Variants in SYT6 observed in about 807,000 individuals in gnomAD.
SYT6 encodes the protein synaptotagmin-6.
SYT6 carries 24 observed loss-of-function variants against 38.4 expected under a neutral mutation model. That is an observed-to-expected ratio of 0.62 (90% CI 0.45 to 0.88). SYT6 has a LOEUF of 0.88. SYT6 is among the 40% of genes least tolerant of loss of function. The probability of loss-of-function intolerance (pLI) is 0.00; values close to 1 mark genes in which losing one functional copy is unlikely to be tolerated. For synonymous variants in SYT6, 265 were observed against 241.9 expected (o/e 1.10, Z -0.89); for missense variants, 611 against 621.0 (o/e 0.98, Z 0.17).
chr1:114,124,618 C>A (rs17032392), intron 3 of SYT6, among the ~76,000 whole-genome samples: 1,914 of 152,236 alleles, frequency 0.013, 42 homozygotes, highest in African/African-American at 0.044. Flanking sequence ...TGGAGCTAGA[C>A]CCGTGTTCCA....
chr1:114,105,795 G>C (rs1213043743), intron 3 of SYT6, among the ~76,000 whole-genome samples: 2 of 152,192 alleles, frequency 1.3e-5, no homozygotes, highest in African/African-American at 2.4e-5. Context: ...CCGCTTTTGA[G>C]CAATGCCCTT....
intron 3 of SYT6, among the ~76,000 whole-genome samples, chr1:114,106,694 A>T (rs1289571210): frequency 6.6e-6 from 1 of 151,432 alleles, no homozygotes; most frequent in East Asian, 2.0e-4. Context: ...ATACTCCTAT[A>T]CCTACATCAT....
chr1:114,147,699 T>C (rs533289482), intron 1 of SYT6, among the ~76,000 whole-genome samples: 4 of 152,352 alleles, frequency 2.6e-5, no homozygotes, highest in African/African-American at 9.6e-5. Context: ...TGCTTTCTAA[T>C]TGCGTGACCT....
chr1:114,149,217 T>TTGTGTGTGTGTGTGTGTGTGTG (rs879834403), intron 1 of SYT6, among the ~76,000 whole-genome samples: 20 of 38,016 alleles, frequency 5.3e-4, no homozygotes, highest in African/African-American at 2.4e-3. Flanking sequence ...GAGAGAGAGA[T>TTGTGTGTGTGTGTGTGTGTGTG]TGTGTGTGTG....
intron 1 of SYT6, 55 bp downstream of exon 1, chr1:114,153,555 G>C: frequency 1.7e-6 from 1 of 572,018 alleles, no homozygotes; most frequent in South Asian, 2.2e-5. Context: ...CTTTGGGGAA[G>C]GGAGATCGCA....
At chr1:114,094,812 G>A (rs1274943722) in intron 6 of SYT6, among the ~76,000 whole-genome samples, 1 of 152,206 alleles carries the variant, frequency 6.6e-6, no homozygotes, top group East Asian at 1.9e-4. Context: ...CAAGTTTCAG[G>A]AGCAAAGTTC....
At chr1:114,117,202 G>A in intron 3 of SYT6, among the ~76,000 whole-genome samples, 1 of 152,210 alleles carries the variant, frequency 6.6e-6, no homozygotes, top group East Asian at 1.9e-4. Context: ...GGGCAGTATT[G>A]TCATGCTTGA....
At chr1:114,113,868 A>G (rs1324250732) in intron 3 of SYT6, among the ~76,000 whole-genome samples, 1 of 152,160 alleles carries the variant, frequency 6.6e-6, no homozygotes, top group Non-Finnish European at 1.5e-5. Context: ...CTCCAATGGC[A>G]TCCCCTTTCA....
chr1:114,129,555 TTTTCTTTCTTTTCTTTCTTTC>T (rs1449899552), intron 3 of SYT6, among the ~76,000 whole-genome samples: 3 of 142,040 alleles, frequency 2.1e-5, no homozygotes, highest in South Asian at 2.3e-4. Context: ...TTCTGTCTTT[TTTTCTTTCTTTTCTTTCTTTC>T]TTTCTTTCTT....
chr1:114,106,655 A>G (rs1676331471), intron 3 of SYT6, among the ~76,000 whole-genome samples: 1 of 151,830 alleles, frequency 6.6e-6, no homozygotes, highest in South Asian at 2.1e-4. Flanking sequence ...CTTCTTGTCA[A>G]AATGCCTCCC....
Position 114,139,664 on chromosome 1 carries a change from G to C in SYT6, c.463C>G (p.Arg155Gly). Residue 155 changes from arginine to glycine, a missense_variant, in exon 2 of 8, where the codon CGT becomes GGT. Physicochemically the swap from Arg to Gly is moderately radical, Grantham distance 125. Coordinates refer to ENST00000610222, the MANE Select transcript of SYT6 (RefSeq NM_001253772.2). ...GTTTGCCGCTGCAGCCGGGTGTGACGCATGATGTGCTCCTTGACCGACATC... is the reference window on the plus strand; with the variant it reads ...GTTTGCCGCTGCAGCCGGGTGTGACCCATGATGTGCTCCTTGACCGACATC... ...VQMSVKEHIM[R>G]HTRLQRQTTE... 1 of 1,613,970 alleles carries C rather than the reference G, an allele frequency of 6.2e-7. No individual in the cohort carries two copies. Among genetic ancestry groups the C allele is most frequent in the Non-Finnish European group, 8.5e-7 (1 of 1,179,988 alleles).
intron 2 of SYT6, among the ~76,000 whole-genome samples, chr1:114,138,589 AG>A (rs1678654254): frequency 1.3e-5 from 2 of 152,256 alleles, no homozygotes; most frequent in South Asian, 4.1e-4. Flanking sequence ...ATCTTGGGAA[AG>A]TTATTTAACC....
rs764319551 is a variant in SYT6, at chr1:114,137,781, C to A, written c.785G>T (p.Cys262Phe). 1 of 1,614,066 alleles carries A rather than the reference C, an allele frequency of 6.2e-7. No homozygotes were observed. The highest frequency in any genetic ancestry group is 8.5e-7 in the Non-Finnish European group (1 of 1,180,010). Residue 262 changes from cysteine to phenylalanine, a missense_variant, in exon 3 of 8, where the codon TGT becomes TTT. Coordinates refer to ENST00000610222, the MANE Select transcript of SYT6 (RefSeq NM_001253772.2). ...CTTGACATAAGGGTCAGAGCTTCCACAAAAGTCCTTGGCAGGGAGGTCAAA... is the reference window on the plus strand; with the variant it reads ...CTTGACATAAGGGTCAGAGCTTCCAAAAAAGTCCTTGGCAGGGAGGTCAAA... Reference protein sequence around the residue: ...KAFDLPAKDFCGSSDPYVKIY... With the variant: ...KAFDLPAKDFFGSSDPYVKIY...
At chr1:114,119,252 C>G (rs1677222910) in intron 3 of SYT6, among the ~76,000 whole-genome samples, 1 of 152,186 alleles carries the variant, frequency 6.6e-6, no homozygotes, top group South Asian at 2.1e-4. Flanking sequence ...AGTTTTCCAG[C>G]TCCCAGGCTA....
At chr1:114,102,289 C>T (rs78838901) in intron 4 of SYT6, among the ~76,000 whole-genome samples, 2,878 of 152,286 alleles carry the variant, frequency 0.019, 86 homozygotes, top group African/African-American at 0.066. Flanking sequence ...AAGCTTTTCC[C>T]AGGCCAGAAG....
Position 114,137,992 on chromosome 1 carries a change from T to C in SYT6, c.574A>G (p.Asn192Asp). 1 of 1,613,942 alleles carries C rather than the reference T, an allele frequency of 6.2e-7. No individual in the cohort carries two copies. Among genetic ancestry groups the C allele is most frequent in the Non-Finnish European group, 8.5e-7 (1 of 1,179,986 alleles). The change falls in exon 3 of 8, where the codon AAT (asparagine) becomes GAT (aspartate). Residue 192 changes from asparagine (N) to aspartate (D), a missense_variant. Physicochemically the swap from Asn to Asp is conservative, Grantham distance 23. Coordinates refer to ENST00000610222, the MANE Select transcript of SYT6 (RefSeq NM_001253772.2). ...QMHVSSVDYG[N>D]ELPPAAEQPT... The stretch of plus-strand genomic sequence containing the variant: ...TGCTCTGCTGCTGGTGGAAGCTCAT[T>C]GCCATAGTCTACACTGGAGACATGC...
intron 6 of SYT6, 109 bp downstream of exon 6, chr1:114,097,618 C>T: frequency 7.2e-7 from 1 of 1,385,032 alleles, no homozygotes; most frequent in Non-Finnish European, 1.0e-6. Flanking sequence ...ATGTGGCCCT[C>T]ATGCCCACCT....
chr1:114,092,311 A>ACTCTCTCTCTCTCTCTCTCTCT (rs35257020), intron 7 of SYT6, among the ~76,000 whole-genome samples: 1 of 133,434 alleles, frequency 7.5e-6, no homozygotes, highest in African/African-American at 3.1e-5. Flanking sequence ...AGCTTTCTTA[A>ACTCTCTCTCTCTCTCTCTCTCT]CTCTCTCTCT....
chr1:114,139,358 C>T (rs1678705886), intron 2 of SYT6, among the ~76,000 whole-genome samples: 1 of 152,138 alleles, frequency 6.6e-6, no homozygotes, highest in African/African-American at 2.4e-5. Context: ...ATTCCATTCC[C>T]CTCACACCCA....
Sources: gnomAD v4.1 joint callset for allele counts (sites outside exome capture counted in the v4.1 genomes callset) on GRCh38, gnomAD v4.1.1 for gene constraint, MANE v1.5 for transcripts, NCBI Gene and HGNC (gene_info 2026-07-23, HGNC 2026-07-21) for gene names.